CARMIL1: variants seen among roughly 807,000 people sequenced by gnomAD.
CARMIL1 encodes the protein F-actin-uncapping protein LRRC16A.
CARMIL1 carries 90 observed loss-of-function variants against 177.1 expected under a neutral mutation model. The observed-to-expected ratio is 0.51, with a 90% CI of 0.43 to 0.61. The LOEUF (loss-of-function observed/expected upper bound fraction) is 0.61, where lower values mean the gene tolerates loss of function less well. CARMIL1 is among the 20% of genes least tolerant of loss of function. CARMIL1 has a pLI of 0.00. For synonymous variants in CARMIL1, 577 were observed against 606.2 expected (o/e 0.95, Z 0.71); for missense variants, 1,380 against 1,667.0 (o/e 0.83, Z 3.00).
intron 2 of CARMIL1, among the ~76,000 whole-genome samples, chr6:25,295,984 A>G (rs146180841): frequency 1.3e-5 from 2 of 152,390 alleles, no homozygotes; most frequent in East Asian, 3.9e-4. Flanking sequence ...GATAAGGCAC[A>G]TGGCACTTTC....
intron 4 of CARMIL1, among the ~76,000 whole-genome samples, chr6:25,428,935 C>G (rs1796497349): frequency 6.6e-6 from 1 of 152,152 alleles, no homozygotes; most frequent in Non-Finnish European, 1.5e-5. Context: ...TAAAAATAGA[C>G]TTCATCATTT....
At chr6:25,388,722 T>A (rs72830739) in intron 2 of CARMIL1, among the ~76,000 whole-genome samples, 21,971 of 151,782 alleles carry the variant, frequency 0.14, 1,805 homozygotes, top group East Asian at 0.32. Flanking sequence ...TAGGCTGGAG[T>A]GCAATGGCAT....
intron 2 of CARMIL1, among the ~76,000 whole-genome samples, chr6:25,372,034 A>G (rs56004173): frequency 0.029 from 4,453 of 152,138 alleles, 81 homozygotes; most frequent in Middle Eastern, 0.096. Context: ...ATGTTTTTGT[A>G]TACTTTGTCA....
intron 32 of CARMIL1, among the ~76,000 whole-genome samples, chr6:25,598,648 G>A (rs1347935559): frequency 6.6e-6 from 1 of 151,948 alleles, no homozygotes; most frequent in Non-Finnish European, 1.5e-5. Context: ...TTCCTCAGTT[G>A]TATCTTCCAA....
intron 2 of CARMIL1, among the ~76,000 whole-genome samples, chr6:25,364,175 G>A (rs1056571712): frequency 6.6e-5 from 10 of 152,024 alleles, no homozygotes; most frequent in Admixed American, 2.6e-4. Flanking sequence ...GAACTCCTGG[G>A]CTCAAGTGAC....
chr6:25,564,156 G>A (rs1181804342), intron 29 of CARMIL1, among the ~76,000 whole-genome samples: 1 of 152,140 alleles, frequency 6.6e-6, no homozygotes, highest in African/African-American at 2.4e-5. Flanking sequence ...AGTCAAAAAA[G>A]TTTGAGAAAC....
At chr6:25,399,764 T>C (rs1479674226) in intron 2 of CARMIL1, among the ~76,000 whole-genome samples, 1 of 152,192 alleles carries the variant, frequency 6.6e-6, no homozygotes, top group Non-Finnish European at 1.5e-5. Flanking sequence ...TACTGATATG[T>C]TAAGGGAATT....
At chr6:25,346,659 C>G (rs1332202198) in intron 2 of CARMIL1, among the ~76,000 whole-genome samples, 1 of 152,068 alleles carries the variant, frequency 6.6e-6, no homozygotes. Flanking sequence ...TTGCTTATTC[C>G]TGGGGACTAG....
intron 2 of CARMIL1, among the ~76,000 whole-genome samples, chr6:25,379,979 C>T (rs1203786761): frequency 6.7e-6 from 1 of 149,066 alleles, no homozygotes; most frequent in African/African-American, 2.4e-5. Context: ...CTTTCCTTTT[C>T]TTACCTCCAT....
intron 2 of CARMIL1, among the ~76,000 whole-genome samples, chr6:25,334,532 C>T (rs867121190): frequency 6.6e-6 from 1 of 151,566 alleles, no homozygotes; most frequent in Non-Finnish European, 1.5e-5. Context: ...TTTCTTGCTT[C>T]TCTCCCTGTT....
chr6:25,330,132 G>A (rs533218600), intron 2 of CARMIL1, among the ~76,000 whole-genome samples: 1 of 152,336 alleles, frequency 6.6e-6, no homozygotes, highest in South Asian at 2.1e-4. Flanking sequence ...GCTGCTACCA[G>A]AGGCAGGAAG....
At chr6:25,604,951 A>G in intron 34 of CARMIL1, 58 bp downstream of exon 34, 1 of 1,384,516 alleles carries the variant, frequency 7.2e-7, no homozygotes, top group Non-Finnish European at 9.9e-7. Context: ...CTGATTGCAG[A>G]GTCACATGAT....
At chr6:25,506,136 C>A (rs1032987612) in intron 17 of CARMIL1, among the ~76,000 whole-genome samples, 3 of 152,214 alleles carry the variant, frequency 2.0e-5, no homozygotes, top group Non-Finnish European at 4.4e-5. Context: ...CATTGTAGTG[C>A]CCCTTACCTA....
intron 8 of CARMIL1, among the ~76,000 whole-genome samples, chr6:25,455,432 T>G (rs1219957365): frequency 1.3e-5 from 2 of 152,222 alleles, no homozygotes; most frequent in African/African-American, 2.4e-5. Flanking sequence ...CTGTCTTGCT[T>G]ATGCTCTGTG....
intron 10 of CARMIL1, among the ~76,000 whole-genome samples, chr6:25,472,079 G>A (rs1562184433): frequency 2.0e-5 from 3 of 151,676 alleles, no homozygotes; most frequent in East Asian, 1.9e-4. Flanking sequence ...ATAAGATGTG[G>A]TGAATACTAT....
At chr6:25,343,577 G>T (rs1076668) in intron 2 of CARMIL1, among the ~76,000 whole-genome samples, 30,675 of 151,950 alleles carry the variant, frequency 0.2, 3,322 homozygotes, top group African/African-American at 0.26. Flanking sequence ...ACCATAGGAA[G>T]CCTGGACTCC....
chr6:25,480,971 C>T (rs1185890540), intron 11 of CARMIL1, among the ~76,000 whole-genome samples: 1 of 151,958 alleles, frequency 6.6e-6, no homozygotes, highest in Admixed American at 6.6e-5. Flanking sequence ...CCGCCCTCCT[C>T]GGCCTCCCAA....
At chr6:25,459,258 C>CTTTCTT (rs1799859050) in intron 8 of CARMIL1, among the ~76,000 whole-genome samples, 3 of 109,988 alleles carry the variant, frequency 2.7e-5, no homozygotes, top group African/African-American at 7.7e-5. Flanking sequence ...TTCTTTCTTT[C>CTTTCTT]TTTCTTTCTT....
At chr6:25,531,451 A>G (rs1376656309) in intron 24 of CARMIL1, among the ~76,000 whole-genome samples, 3 of 152,212 alleles carry the variant, frequency 2.0e-5, no homozygotes, top group Non-Finnish European at 4.4e-5. Flanking sequence ...AATATTAATG[A>G]TGGTTATTTT....
Sources: gnomAD v4.1 joint callset for allele counts (sites outside exome capture counted in the v4.1 genomes callset) on GRCh38, gnomAD v4.1.1 for gene constraint, MANE v1.5 for transcripts, NCBI Gene and HGNC (gene_info 2026-07-23, HGNC 2026-07-21) for gene names.